The following LMBRD2 variants were observed in gnomAD, a reference collection of about 807,000 sequenced individuals.
LMBRD2 encodes LMBR1 domain containing 2, also known as G protein-coupled receptor-associated protein LMBRD2.
Under a neutral mutation model 94.4 loss-of-function variants are expected in LMBRD2, and 55 were observed. That is an observed-to-expected ratio of 0.58 (90% CI 0.47 to 0.73). LMBRD2 has a LOEUF of 0.73. Among genes scored for constraint, LMBRD2 ranks in the 30% least tolerant of loss-of-function variants. The probability of loss-of-function intolerance (pLI) is 0.00; values close to 1 mark genes in which losing one functional copy is unlikely to be tolerated. For synonymous variants in LMBRD2, 246 were observed against 272.4 expected (o/e 0.90, Z 0.95); for missense variants, 640 against 831.9 (o/e 0.77, Z 2.84).
At chr5:36,112,432 G>C (rs1452554780) in intron 13 of LMBRD2, among the ~76,000 whole-genome samples, 1 of 152,130 alleles carries the variant, frequency 6.6e-6, no homozygotes, top group Non-Finnish European at 1.5e-5. Context: ...TGGCTGTGTT[G>C]CTAATAGTGT....
chr5:36,120,850 A>G (rs1446347445), intron 9 of LMBRD2, among the ~76,000 whole-genome samples: 5 of 152,096 alleles, frequency 3.3e-5, no homozygotes, highest in African/African-American at 4.8e-5. Flanking sequence ...TTTTCCTCAA[A>G]ACACTTCATT....
At chr5:36,133,773 T>G (rs1744208071) in intron 6 of LMBRD2, among the ~76,000 whole-genome samples, 1 of 152,116 alleles carries the variant, frequency 6.6e-6, no homozygotes, top group Non-Finnish European at 1.5e-5. Flanking sequence ...AGTCCAATGC[T>G]GGTCCTTAAT....
chr5:36,138,941 A>G (rs1744336487), intron 4 of LMBRD2, among the ~76,000 whole-genome samples: 1 of 152,234 alleles, frequency 6.6e-6, no homozygotes. Flanking sequence ...GGCCCCCAGC[A>G]AAGTTGCTGG....
Position 36,114,964 on chromosome 5 carries a change from A to C in LMBRD2, c.1542+51T>G, listed in dbSNP as rs79968975. 2.1e-3 allele frequency: 2,425 copies of C among 1,138,312 alleles called. 30 individuals are homozygous for C. In the African/African-American group the frequency reaches 0.034, roughly 16 times the overall value. 70.5% of individuals were successfully genotyped at this position (1,138,312 alleles called of 1,614,324 possible). A position where few individuals can be genotyped will look rare whatever the true frequency, so the allele number is the denominator to read the frequency against. ...TTAAAAGAAATTTCACAATAACAGC[A>C]CCTCATATAGATAGTGAACCTAAGG... On this transcript the variant is annotated intron_variant, in intron 12 of 17. Transcript: ENST00000296603.
chr5:36,143,283 G>A lies in LMBRD2; in HGVS notation c.67C>T (p.Arg23Ter), dbSNP rs762498312. The A allele has an allele frequency of 5.0e-6, 8 of 1,612,414 alleles. No individual in the cohort carries two copies. The highest frequency in any genetic ancestry group is 1.1e-5 in the South Asian group (1 of 91,026). ...VFFLALFLLH[R>*]YGDFKKQHRL... The stretch of plus-strand genomic sequence containing the variant: ...TGCTGTTTCTTAAAGTCTCCATATC[G>A]ATGAAGCAGAAATAATGCCAGAAAA... Residue 23 changes from arginine (R) to a stop codon, truncating the protein, a stop_gained, in exon 2 of 18, where the codon CGA becomes TGA. Transcript: ENST00000296603. LOFTEE classifies it high-confidence loss of function.
Position 36,105,019 on chromosome 5 carries a change from TA to T in LMBRD2, c.2027+48del, listed in dbSNP as rs768660833. On this transcript the variant is annotated intron_variant, in intron 17 of 17. Coordinates refer to ENST00000296603, the MANE Select transcript of LMBRD2 (RefSeq NM_001007527.2). Reference sequence around the variant, plus strand: ...CAATCTTGTCAAGTCAATGTGTTATTAAAAGTGTAGAGGAATGCTAGAGCTA... The same window carrying T: ...CAATCTTGTCAAGTCAATGTGTTATTAAAGTGTAGAGGAATGCTAGAGCTA... The T allele has an allele frequency of 7.0e-6, 11 of 1,573,936 alleles. No homozygotes were observed. In the African/African-American group the frequency reaches 1.2e-4, roughly 17 times the overall value.
intron 1 of LMBRD2, among the ~76,000 whole-genome samples, chr5:36,148,987 A>T (rs1744622006): frequency 6.6e-6 from 1 of 152,226 alleles, no homozygotes. Flanking sequence ...TACTTGATTT[A>T]AGGGTAATAT....
At position 36,109,981 on chromosome 5, in the gene LMBRD2, T is replaced by C; in HGVS notation, c.1755A>G (p.Lys585=). 1.2e-6 allele frequency: 2 copies of C among 1,608,268 alleles called. No individual in the cohort carries two copies. Among genetic ancestry groups the C allele is most frequent in the East Asian group, 4.5e-5 (2 of 44,740 alleles). Residue 585 remains lysine (K), a synonymous_variant, in exon 15 of 18, where the codon AAA becomes AAG. Coordinates refer to ENST00000296603, the MANE Select transcript of LMBRD2 (RefSeq NM_001007527.2). ...TTTCACCTTCTTCTTGCCTTTGCCTTTTTCTCTTCTCTAAAGACAGAAAAA... is the reference window on the plus strand; with the variant it reads ...TTTCACCTTCTTCTTGCCTTTGCCTCTTTCTCTTCTCTAAAGACAGAAAAA... The part of the protein sequence containing the change: ...GKELIRKEKR[K]RQRQEEGENR...
In LMBRD2 at chr5:36,104,119, C is replaced by T. The variant is rs1743410412; in HGVS notation, c.2028-13G>A. ...ACCAGGCTGATACCTAAAAAGGGAA[C>T]ATAAAGAAATGATCTGAGGCATCAA... On this transcript the variant is annotated splice_polypyrimidine_tract_variant and intron_variant, in intron 17 of 17. Transcript: ENST00000296603. 1 of 1,600,426 alleles carries T rather than the reference C, an allele frequency of 6.2e-7. No homozygotes were observed. Among genetic ancestry groups the T allele is most frequent in the African/African-American group, 1.3e-5 (1 of 74,328 alleles).
chr5:36,108,121 GTA>G (rs1419661063), intron 16 of LMBRD2, among the ~76,000 whole-genome samples: 3 of 152,024 alleles, frequency 2.0e-5, no homozygotes, highest in Non-Finnish European at 4.4e-5. Context: ...TACCTTCTTT[GTA>G]TTGCTGTATA....
At chr5:36,113,809 A>G (rs1398967421) in intron 13 of LMBRD2, among the ~76,000 whole-genome samples, 1 of 152,202 alleles carries the variant, frequency 6.6e-6, no homozygotes, top group Non-Finnish European at 1.5e-5. Context: ...AAAGAAGGAA[A>G]GACAGATGCG....
Position 36,141,139 on chromosome 5 carries a change from C to A in LMBRD2, c.336G>T (p.Arg112Ser). Residue 112 changes from arginine (R) to serine (S), a missense_variant, in exon 4 of 18, where the codon AGG becomes AGT. Physicochemically the swap from Arg to Ser is moderately radical, Grantham distance 110. This residue lies in a region of LMBRD2 where 457 missense variants were observed against 642.8 expected (regional missense o/e 0.71). Coordinates refer to ENST00000296603, the MANE Select transcript of LMBRD2 (RefSeq NM_001007527.2). ...AAAATTGTGACGTCCAATACACTAC[C>A]CTCCAGAAAATTGGCATGATTCCAT... ...IPDGIMPIFW[R>S]VVYWTSQFLT... 1 of 1,608,896 alleles carries A rather than the reference C, an allele frequency of 6.2e-7. No individual in the cohort carries two copies. The highest frequency in any genetic ancestry group is 8.5e-7 in the Non-Finnish European group (1 of 1,175,924).
In LMBRD2 at chr5:36,099,894, G is replaced by A. The variant is rs1743312279; in HGVS notation, c.*4152C>T. 1 of 152,108 alleles carries A rather than the reference G, an allele frequency of 6.6e-6. No homozygotes were observed. Among genetic ancestry groups the A allele is most frequent in the Admixed American group, 6.6e-5 (1 of 15,250 alleles). The allele number at this position is 152,108 out of a possible 1,614,324, so 9.4% of individuals were successfully genotyped here. ...ATGGACCAATGGCTTGGTACAGAAGGAATCAGAGGCGAGGACATGTTCCTG... is the reference window on the plus strand; with the variant it reads ...ATGGACCAATGGCTTGGTACAGAAGAAATCAGAGGCGAGGACATGTTCCTG... On this transcript the variant is annotated 3_prime_UTR_variant, in exon 18 of 18. Transcript: ENST00000296603.
Position 36,107,593 on chromosome 5 carries a change from C to T in LMBRD2, c.1897+941G>A, listed in dbSNP as rs150772385. 2.1e-3 allele frequency among the ~76,000 whole-genome samples: 325 copies of T among 152,260 alleles called. 1 individual carries two copies. Among genetic ancestry groups the T allele is most frequent in the African/African-American group, 7.6e-3 (317 of 41,540 alleles). On this transcript the variant is annotated intron_variant, in intron 16 of 17. Transcript: ENST00000296603. ...GGTTGTTGCTTTAGTTTCCTTAAGTCCCCAAAGACTTCACATTTCTCTAGT... is the reference window on the plus strand; with the variant it reads ...GGTTGTTGCTTTAGTTTCCTTAAGTTCCCAAAGACTTCACATTTCTCTAGT...
chr5:36,133,659 T>C (rs1744205579), intron 6 of LMBRD2, among the ~76,000 whole-genome samples: 1 of 152,154 alleles, frequency 6.6e-6, no homozygotes, highest in African/African-American at 2.4e-5. Context: ...TATCTATGTG[T>C]ACTTACTGCT....
At chr5:36,144,222 T>C (rs1001941693) in intron 1 of LMBRD2, among the ~76,000 whole-genome samples, 2 of 152,182 alleles carry the variant, frequency 1.3e-5, no homozygotes, top group East Asian at 1.9e-4. Context: ...TATTTTAAAA[T>C]TGAAAAATTT....
chr5:36,106,098 A>G (rs1293335146), intron 16 of LMBRD2, among the ~76,000 whole-genome samples: 1 of 152,084 alleles, frequency 6.6e-6, no homozygotes, highest in African/African-American at 2.4e-5. Flanking sequence ...TCTCTAATTC[A>G]TCATCCTATG....
chr5:36,112,413 C>T (rs1390268499), intron 13 of LMBRD2, among the ~76,000 whole-genome samples: 1 of 152,102 alleles, frequency 6.6e-6, no homozygotes, highest in Non-Finnish European at 1.5e-5. Flanking sequence ...TGAATATTAA[C>T]TCTGGGTGTG....
At chr5:36,124,851 C>A (rs1458518413) in intron 6 of LMBRD2, among the ~76,000 whole-genome samples, 1 of 152,140 alleles carries the variant, frequency 6.6e-6, no homozygotes, top group East Asian at 1.9e-4. Flanking sequence ...GAGTTTAAGA[C>A]CAGTTTTGGC....
Sources: gnomAD v4.1 joint callset for allele counts (sites outside exome capture counted in the v4.1 genomes callset) on GRCh38, gnomAD v4.1.1 for gene constraint, gnomAD v4.1.1 regional missense constraint, MANE v1.5 for transcripts, NCBI Gene and HGNC (gene_info 2026-07-23, HGNC 2026-07-21) for gene names.